The following EML5 variants were observed in gnomAD, a reference collection of about 807,000 sequenced individuals.
EML5 encodes the protein echinoderm microtubule-associated protein-like 5.
In EML5, 120 loss-of-function variants were observed where a neutral mutation model predicts 250.0. The observed-to-expected ratio is 0.48, with a 90% CI of 0.41 to 0.56. The LOEUF (loss-of-function observed/expected upper bound fraction) is 0.56, where lower values mean the gene tolerates loss of function less well. EML5 is among the 20% of genes least tolerant of loss of function. The pLI is 0.00. For missense variants in EML5, 2,006 were observed against 2,437.6 expected, an observed-to-expected ratio of 0.82 and a Z score of 3.73; for synonymous variants, 771 against 806.5, an observed-to-expected ratio of 0.96 and a Z score of 0.75.
chr14:88,655,661 A>G (rs1206624140), intron 27 of EML5, among the ~76,000 whole-genome samples: 1 of 152,226 alleles, frequency 6.6e-6, no homozygotes, highest in African/African-American at 2.4e-5. Flanking sequence ...CTGCACAGCA[A>G]GAGAAACCAT....
chr14:88,687,865 C>T (rs2092870917), intron 18 of EML5, among the ~76,000 whole-genome samples: 1 of 152,064 alleles, frequency 6.6e-6, no homozygotes, highest in South Asian at 2.1e-4. Flanking sequence ...AGCTTAAGCC[C>T]AGGAGTTGGA....
rs74545125 is a variant in EML5, at chr14:88,693,592, C to T, written c.2539+715G>A. On this transcript the variant is annotated intron_variant, in intron 17 of 43. Transcript: ENST00000554922. The stretch of plus-strand genomic sequence containing the variant: ...TCAAACCATATCAACTACATAAATG[C>T]AGCCAATAAATGGCAATAAATCTTG... Among the ~76,000 whole-genome samples the T allele has an allele frequency of 1.3e-3, 199 of 152,202 alleles. 1 individual carries two copies. The highest frequency in any genetic ancestry group is 4.6e-3 in the African/African-American group (193 of 41,524).
intron 39 of EML5, chr14:88,619,806 A>T (rs1275757508): frequency 1.3e-5 from 2 of 152,146 alleles, no homozygotes; most frequent in Non-Finnish European, 2.9e-5. Flanking sequence ...CTGGGATTAC[A>T]GGCGCCTGCC....
At chr14:88,663,540 T>C (rs746073929) in intron 23 of EML5, among the ~76,000 whole-genome samples, 1 of 152,158 alleles carries the variant, frequency 6.6e-6, no homozygotes, top group African/African-American at 2.4e-5. Context: ...TTATCAAACA[T>C]ATTAAACTCA....
intron 21 of EML5, among the ~76,000 whole-genome samples, chr14:88,667,961 C>G (rs1204271851): frequency 6.6e-6 from 1 of 152,208 alleles, no homozygotes; most frequent in Non-Finnish European, 1.5e-5. Context: ...TTCTCCTTCA[C>G]CAAGTGACTA....
chr14:88,754,631 G>A lies in EML5; in HGVS notation c.238C>T (p.Gln80Ter). Reference sequence around the variant, plus strand: ...CAAATATAAGGCTCTTTCCCAACTTGTCCTGTTGCTACCAACACTCGTTCA... The same window carrying A: ...CAAATATAAGGCTCTTTCCCAACTTATCCTGTTGCTACCAACACTCGTTCA... ...HPERVLVATG[Q>*]VGKEPYICIW... The change falls in exon 2 of 44, where the codon CAA becomes TAA. Residue 80 changes from glutamine (Q) to a stop codon, truncating the protein, a stop_gained. Coordinates refer to ENST00000554922, the MANE Select transcript of EML5 (RefSeq NM_183387.3). LOFTEE classifies it high-confidence loss of function. 6.2e-7 allele frequency: 1 copy of A among 1,612,726 alleles called. No individual in the cohort carries two copies.
rs188190248 is a variant in EML5 at position 88,763,389 on chromosome 14, A to G, written c.198-8718T>C. Among the ~76,000 whole-genome samples the G allele has an allele frequency of 3.3e-5, 5 of 152,352 alleles. No individual in the cohort carries two copies. The East Asian group carries it at 9.6e-4, about 29-fold the overall frequency. On this transcript the variant is annotated intron_variant, in intron 1 of 43. Transcript: ENST00000554922. ...ATACTATAAACAACTTTATGCAAAT[A>G]AACTAGAAAATCTAGAAGAACTGGA...
At position 88,642,911 on chromosome 14, in the gene EML5, G is replaced by A; in HGVS notation, c.4219C>T (p.Leu1407=). 1 of 1,604,318 alleles carries A rather than the reference G, an allele frequency of 6.2e-7. No individual in the cohort carries two copies. Among genetic ancestry groups the A allele is most frequent in the Non-Finnish European group, 8.5e-7 (1 of 1,176,932 alleles). Residue 1407 remains leucine (L), a synonymous_variant, in exon 31 of 44, where the codon CTG becomes TTG. Coordinates refer to ENST00000554922, the MANE Select transcript of EML5 (RefSeq NM_183387.3). ...TTCCTACCTGTAGCAACATTGTGCA[G>A]AATTCCAACAGATGCAGTGTGATAA... The part of the protein sequence containing the change: ...IIYHTASVGI[L]HNVATGSQSF...
chr14:88,711,045 G>A (rs1290699822), intron 10 of EML5, among the ~76,000 whole-genome samples: 1 of 152,092 alleles, frequency 6.6e-6, no homozygotes, highest in Non-Finnish European at 1.5e-5. Flanking sequence ...TAGGAGCAAC[G>A]TCTAAGAGGA....
chr14:88,735,728 A>G (rs2093829010), intron 7 of EML5, among the ~76,000 whole-genome samples: 3 of 152,198 alleles, frequency 2.0e-5, no homozygotes, highest in Admixed American at 2.0e-4. Flanking sequence ...ATTCACTGCA[A>G]GCCCTGTATT....
chr14:88,722,467 A>T (rs1254280192), intron 8 of EML5, among the ~76,000 whole-genome samples: 2 of 152,140 alleles, frequency 1.3e-5, no homozygotes, highest in Non-Finnish European at 2.9e-5. Context: ...CTTTGCAGGG[A>T]CATGGATGGA....
chr14:88,739,939 G>C (rs1168168785), intron 5 of EML5, among the ~76,000 whole-genome samples: 1 of 152,032 alleles, frequency 6.6e-6, no homozygotes, highest in East Asian at 1.9e-4. Context: ...ACTTTGTAAG[G>C]GGGACCCAAA....
At chr14:88,717,591 T>G (rs1239890813) in intron 8 of EML5, among the ~76,000 whole-genome samples, 1 of 151,952 alleles carries the variant, frequency 6.6e-6, no homozygotes, top group East Asian at 1.9e-4. Flanking sequence ...CCATCTCTAC[T>G]AAAAATACAA....
chr14:88,705,473 G>GA lies in EML5; in HGVS notation c.1932+8dup. 5 of 1,579,932 alleles carry GA rather than the reference G, an allele frequency of 3.2e-6. No homozygotes were observed. The highest frequency in any genetic ancestry group is 4.3e-6 in the Non-Finnish European group (5 of 1,158,032). ...TTTTAGAGAAAAACCATGTGATATG[G>GA]AAAATTACCTGTCGACGGTAGGTGA... On this transcript the variant is annotated intron_variant, in intron 12 of 43. Transcript: ENST00000554922.
chr14:88,684,867 T>C, intron 20 of EML5, 148 bp downstream of exon 20: 1 of 689,412 alleles, frequency 1.5e-6, no homozygotes, highest in Non-Finnish European at 2.1e-6. Flanking sequence ...AATTTTTTTC[T>C]GTATACATTA....
At chr14:88,684,631 T>A (rs1308513965) in intron 20 of EML5, among the ~76,000 whole-genome samples, 2 of 151,994 alleles carry the variant, frequency 1.3e-5, no homozygotes, top group Admixed American at 6.6e-5. Flanking sequence ...TAAATAAAAT[T>A]AAAAACAGAC....
chr14:88,792,338 A>G lies in EML5; in HGVS notation c.166T>C (p.Phe56Leu). 6.4e-7 allele frequency: 1 copy of G among 1,564,928 alleles called. No individual in the cohort carries two copies. Among genetic ancestry groups the G allele is most frequent in the Non-Finnish European group, 8.6e-7 (1 of 1,156,812 alleles). Residue 56 changes from phenylalanine to leucine, a missense_variant, in exon 1 of 44, where the codon TTC becomes CTC. Physicochemically the swap from Phe to Leu is conservative, Grantham distance 22 (BLOSUM62 0). Coordinates refer to ENST00000554922, the MANE Select transcript of EML5 (RefSeq NM_183387.3). This position sits in a 1 kb window ranked among gnomAD's most constrained non-coding sequence, Gnocchi z 6.9. ...VYSPREHRQKFYRGHSDDIIS... is the reference protein window; with the variant it reads ...VYSPREHRQKLYRGHSDDIIS... ...ATGTCGTCGCTGTGGCCCCGGTAGA[A>G]CTTCTGCCTGTGCTCCCGCGGGCTG...
At chr14:88,646,258 C>CA (rs1429663159) in intron 29 of EML5, among the ~76,000 whole-genome samples, 2 of 151,966 alleles carry the variant, frequency 1.3e-5, no homozygotes, top group African/African-American at 4.8e-5. Flanking sequence ...CTTAAACATC[C>CA]AATAAGAAAT....
At chr14:88,706,954 AAAG>A in intron 10 of EML5, among the ~76,000 whole-genome samples, 2 of 152,250 alleles carry the variant, frequency 1.3e-5, no homozygotes, top group African/African-American at 2.4e-5. Context: ...CATATTAATC[AAAG>A]TCAAATATGC....
Sources: gnomAD v4.1 joint callset for allele counts (sites outside exome capture counted in the v4.1 genomes callset) on GRCh38, gnomAD v4.1.1 for gene constraint, Gnocchi (gnomAD v3.1) non-coding constraint, MANE v1.5 for transcripts, NCBI Gene and HGNC (gene_info 2026-07-23, HGNC 2026-07-21) for gene names.